HMGCLL1: variants seen among roughly 807,000 people sequenced by gnomAD.
The protein encoded by HMGCLL1 is 3-hydroxy-3-methylglutaryl-CoA lyase like 1.
A neutral mutation model predicts 39.1 loss-of-function variants in HMGCLL1; 36 were observed. The ratio of observed to expected loss-of-function variants is 0.92; its 90% confidence interval spans 0.71 to 1.22. The LOEUF is 1.22. Ranked by LOEUF, HMGCLL1 falls within the 50% of genes most tolerant of loss-of-function variation. The pLI is 0.00. For missense variants in HMGCLL1, 451 were observed against 416.5 expected (o/e 1.08, Z -0.72); for synonymous variants, 149 against 144.0 (o/e 1.03, Z -0.25).
At chr6:55,660,405 T>C in the HMGCLL1 span, among the ~76,000 whole-genome samples, 6 of 151,882 alleles carry the variant, frequency 4.0e-5, no homozygotes, top group East Asian at 1.9e-4. Context: ...TGTCTATTTT[T>C]CCCCTCTTTG....
At position 55,508,671 on chromosome 6, in the gene HMGCLL1, C is replaced by CTTGT. The variant is rs569314350; in HGVS notation, c.542+5373_542+5376dup. Among the ~76,000 whole-genome samples, 234 of 151,716 alleles carry CTTGT rather than the reference C, an allele frequency of 1.5e-3. 1 individual carries two copies. The highest frequency in any genetic ancestry group is 2.8e-3 in the Non-Finnish European group (193 of 67,784). On this transcript the variant is annotated intron_variant, in intron 5 of 8. Transcript: ENST00000274901. ...CTTATTAAATTCACTTTGTTATATCCTTGTTTCACATTGACATATATAATA... is the reference window on the plus strand; with the variant it reads ...CTTATTAAATTCACTTTGTTATATCCTTGTTTGTTTCACATTGACATATATAATA...
the HMGCLL1 span, among the ~76,000 whole-genome samples, chr6:55,673,941 A>T: frequency 6.6e-6 from 1 of 152,012 alleles, no homozygotes; most frequent in African/African-American, 2.4e-5. Flanking sequence ...AGAGAGATTT[A>T]AAAAATGCCA....
chr6:55,633,638 T>C, the HMGCLL1 span, among the ~76,000 whole-genome samples: 2 of 152,034 alleles, frequency 1.3e-5, no homozygotes, highest in Non-Finnish European at 2.9e-5. Context: ...GTTGGTTTTC[T>C]AGCAAGGTAA....
chr6:55,472,935 A>G (rs535583838), intron 7 of HMGCLL1, among the ~76,000 whole-genome samples: 7 of 151,562 alleles, frequency 4.6e-5, no homozygotes, highest in African/African-American at 1.7e-4. Context: ...TGTTAGATTT[A>G]TAAAAATTTA....
intron 3 of HMGCLL1, among the ~76,000 whole-genome samples, chr6:55,526,785 T>C (rs1292698068): frequency 1.3e-5 from 2 of 152,074 alleles, no homozygotes; most frequent in East Asian, 3.9e-4. Flanking sequence ...CCTTTCTAAA[T>C]TGCAATCACT....
chr6:55,571,466 CG>C (rs1356819855), intron 1 of HMGCLL1, among the ~76,000 whole-genome samples: 2 of 152,000 alleles, frequency 1.3e-5, no homozygotes, highest in Non-Finnish European at 2.9e-5. Flanking sequence ...AAATGTAAAA[CG>C]GTGAGTGAGG....
intron 1 of HMGCLL1, among the ~76,000 whole-genome samples, chr6:55,550,156 G>T (rs1770246945): frequency 6.6e-6 from 1 of 151,968 alleles, no homozygotes; most frequent in Non-Finnish European, 1.5e-5. Context: ...AAGGGGTTGA[G>T]AAAAATGTTA....
At chr6:55,486,539 T>C (rs1039621353) in intron 7 of HMGCLL1, among the ~76,000 whole-genome samples, 1 of 152,136 alleles carries the variant, frequency 6.6e-6, no homozygotes, top group Admixed American at 6.6e-5. Context: ...CTCATAAAGC[T>C]GGCAATGCCT....
chr6:55,675,490 T>C, the HMGCLL1 span, among the ~76,000 whole-genome samples: 3 of 152,156 alleles, frequency 2.0e-5, no homozygotes, highest in Non-Finnish European at 4.4e-5. Flanking sequence ...GTGGCCATAT[T>C]CAAACTGACT....
At chr6:55,659,153 G>A in the HMGCLL1 span, among the ~76,000 whole-genome samples, 1 of 151,824 alleles carries the variant, frequency 6.6e-6, no homozygotes, top group African/African-American at 2.4e-5. Context: ...ACAAGAGAGG[G>A]AGAAAGGTCA....
chr6:55,546,654 C>A (rs1041795990), intron 1 of HMGCLL1, among the ~76,000 whole-genome samples: 5 of 152,030 alleles, frequency 3.3e-5, no homozygotes, highest in African/African-American at 4.8e-5. Flanking sequence ...TTCTTACATA[C>A]TGAATATATG....
the HMGCLL1 span, among the ~76,000 whole-genome samples, chr6:55,636,661 A>G: frequency 6.6e-6 from 1 of 152,172 alleles, no homozygotes; most frequent in African/African-American, 2.4e-5. Context: ...AGTGCAAACA[A>G]AGGAGGCATC....
intron 7 of HMGCLL1, among the ~76,000 whole-genome samples, chr6:55,488,889 A>C (rs1009718142): frequency 1.2e-4 from 18 of 152,128 alleles, no homozygotes; most frequent in Non-Finnish European, 2.5e-4. Context: ...AAGCTGTTCA[A>C]CTAAAAAGCT....
chr6:55,636,799 T>C, the HMGCLL1 span, among the ~76,000 whole-genome samples: 32 of 152,210 alleles, frequency 2.1e-4, no homozygotes, highest in Non-Finnish European at 3.7e-4. Flanking sequence ...TTTAACAAAT[T>C]TAATAAAATG....
chr6:55,564,164 G>T (rs1456948625), intron 1 of HMGCLL1, among the ~76,000 whole-genome samples: 1 of 152,074 alleles, frequency 6.6e-6, no homozygotes, highest in East Asian at 1.9e-4. Flanking sequence ...TTATGGGTGG[G>T]GTTGTGGGTA....
At chr6:55,465,513 T>C (rs73746305) in intron 7 of HMGCLL1, among the ~76,000 whole-genome samples, 31,138 of 151,844 alleles carry the variant, frequency 0.21, 4,017 homozygotes, top group African/African-American at 0.38. Context: ...GCTGAAACAG[T>C]GATGGGTACC....
At chr6:55,462,366 C>T (rs1012473463) in intron 7 of HMGCLL1, among the ~76,000 whole-genome samples, 1 of 152,034 alleles carries the variant, frequency 6.6e-6, no homozygotes, top group East Asian at 1.9e-4. Context: ...GTCTTCAGTC[C>T]GTGGGTTTGT....
chr6:55,497,082 A>C (rs569626737), intron 6 of HMGCLL1, among the ~76,000 whole-genome samples: 2 of 152,246 alleles, frequency 1.3e-5, no homozygotes, highest in African/African-American at 4.8e-5. Flanking sequence ...GATCTCTTTA[A>C]GCTGAATAAT....
intron 3 of HMGCLL1, among the ~76,000 whole-genome samples, chr6:55,519,447 C>T (rs186630088): frequency 1.3e-5 from 2 of 152,232 alleles, no homozygotes; most frequent in Admixed American, 1.3e-4. Context: ...TACATATTTA[C>T]ACAGTTTTTG....
Sources: allele counts gnomAD v4.1 joint callset (sites outside exome capture counted in the v4.1 genomes callset), GRCh38; gene constraint gnomAD v4.1.1; transcripts MANE v1.5; gene names NCBI Gene and HGNC (gene_info 2026-07-23, HGNC 2026-07-21).